The following UBXN2B variants were observed in gnomAD, a reference collection of about 807,000 sequenced individuals.
The protein encoded by UBXN2B is UBX domain-containing protein 2B.
In UBXN2B, 19 loss-of-function variants were observed where a neutral mutation model predicts 37.5. The ratio of observed to expected loss-of-function variants is 0.51; its 90% confidence interval spans 0.35 to 0.74. The LOEUF (loss-of-function observed/expected upper bound fraction) is 0.74. UBXN2B is among the 30% of genes least tolerant of loss of function. The pLI is 0.01. For missense variants in UBXN2B, 370 were observed against 393.2 expected, an observed-to-expected ratio of 0.94 and a Z score of 0.50; for synonymous variants, 145 against 143.8, an observed-to-expected ratio of 1.01 and a Z score of -0.06.
chr8:58,425,902 A>G, intron 2 of UBXN2B: 1 of 1,207,830 alleles, frequency 8.3e-7, no homozygotes, highest in South Asian at 1.2e-5. Flanking sequence ...CCCCTTTGTC[A>G]TCACTGGTGC....
chr8:58,442,602 A>C (rs1320018707), intron 6 of UBXN2B, among the ~76,000 whole-genome samples: 1 of 152,242 alleles, frequency 6.6e-6, no homozygotes, highest in East Asian at 1.9e-4. Flanking sequence ...TGCTGTAAAA[A>C]TGTTACATAG....
At chr8:58,420,093 T>G (rs1276760257) in intron 2 of UBXN2B, among the ~76,000 whole-genome samples, 1 of 152,238 alleles carries the variant, frequency 6.6e-6, no homozygotes, top group Non-Finnish European at 1.5e-5. Context: ...AAAAATTTAG[T>G]GACAAAACTA....
Position 58,447,698 on chromosome 8 carries a change from G to T in UBXN2B, c.*147G>T, listed in dbSNP as rs561775907. On this transcript the variant is annotated 3_prime_UTR_variant, in exon 8 of 8. Coordinates refer to ENST00000399598, the MANE Select transcript of UBXN2B (RefSeq NM_001077619.2). Reference sequence around the variant, plus strand: ...TTATTGTTATTCTGTCTTCCAATCTGAATATAGACAAATTTGGATTAGGAA... The same window carrying T: ...TTATTGTTATTCTGTCTTCCAATCTTAATATAGACAAATTTGGATTAGGAA... 1.4e-6 allele frequency: 1 copy of T among 710,780 alleles called. No homozygotes were observed. Among genetic ancestry groups the T allele is most frequent in the South Asian group, 3.8e-5 (1 of 26,390 alleles). 44.0% of individuals were successfully genotyped at this position (710,780 alleles called of 1,614,324 possible).
intron 5 of UBXN2B, chr8:58,434,837 T>C (rs1808371409): frequency 1.3e-6 from 2 of 1,535,330 alleles, no homozygotes; most frequent in African/African-American, 2.7e-5. Context: ...ACTAAGCCAC[T>C]GTCCTGCTTA....
At chr8:58,427,028 T>C (rs528605896) in intron 2 of UBXN2B, among the ~76,000 whole-genome samples, 5 of 152,366 alleles carry the variant, frequency 3.3e-5, no homozygotes, top group East Asian at 1.9e-4. Context: ...TAGTCATCCC[T>C]TGATAAATGT....
At chr8:58,439,599 C>G (rs1404972988) in intron 5 of UBXN2B, 34 bp from the exon 6 acceptor site, 1 of 1,585,050 alleles carries the variant, frequency 6.3e-7, no homozygotes, top group South Asian at 1.2e-5. Flanking sequence ...TCTTGGAAAA[C>G]TTAATGATAA....
intron 6 of UBXN2B, among the ~76,000 whole-genome samples, chr8:58,441,475 A>G (rs1808550232): frequency 6.6e-6 from 1 of 151,612 alleles, no homozygotes; most frequent in Admixed American, 6.6e-5. Context: ...TACGATTTTT[A>G]ATTAGAATGC....
At chr8:58,425,968 ACC>A in intron 2 of UBXN2B, 2 of 1,440,662 alleles carry the variant, frequency 1.4e-6, no homozygotes, top group East Asian at 4.6e-5. Flanking sequence ...CAAGAAAACT[ACC>A]ATGTTTTCCT....
intron 1 of UBXN2B, among the ~76,000 whole-genome samples, chr8:58,414,123 T>C (rs1327660738): frequency 6.6e-6 from 1 of 152,202 alleles, no homozygotes; most frequent in African/African-American, 2.4e-5. Flanking sequence ...TGAGAAGAAT[T>C]AAAATGTCTG....
intron 6 of UBXN2B, among the ~76,000 whole-genome samples, chr8:58,441,284 A>G (rs900399813): frequency 6.7e-6 from 1 of 148,828 alleles, no homozygotes; most frequent in Non-Finnish European, 1.5e-5. Context: ...ATGAGCCACT[A>G]TGCCTGGCCA....
intron 5 of UBXN2B, among the ~76,000 whole-genome samples, chr8:58,435,462 C>T (rs1399088818): frequency 3.9e-5 from 6 of 152,104 alleles, no homozygotes; most frequent in Admixed American, 2.6e-4. Flanking sequence ...TCCTAGGAGG[C>T]AGTATATGGG....
rs1454924723 is a variant in UBXN2B at position 58,450,979 on chromosome 8, A to G, written c.*3428A>G. 2 of 152,638 alleles carry G rather than the reference A, an allele frequency of 1.3e-5. No homozygotes were observed. The highest frequency in any genetic ancestry group is 1.5e-5 in the Non-Finnish European group (1 of 68,036). The allele number at this position is 152,638 out of a possible 1,614,324, so 9.5% of individuals were successfully genotyped here. A position where few individuals can be genotyped will look rare whatever the true frequency, so the allele number is the denominator to read the frequency against. On this transcript the variant is annotated 3_prime_UTR_variant, in exon 8 of 8. Coordinates refer to ENST00000399598, the MANE Select transcript of UBXN2B (RefSeq NM_001077619.2). ...ACTGAAAACAACTTGGATAATGTGT[A>G]ACAGCCAGCCCCATTTCAAAAAGAT...
intron 6 of UBXN2B, among the ~76,000 whole-genome samples, chr8:58,443,638 C>CAAAAAAAA (rs754470490): frequency 5.0e-5 from 3 of 59,582 alleles, no homozygotes; most frequent in Non-Finnish European, 3.4e-5. Flanking sequence ...ACTAAAAATC[C>CAAAAAAAA]AAAAAAAAAA....
chr8:58,438,612 C>G (rs1234150222), intron 5 of UBXN2B, among the ~76,000 whole-genome samples: 1 of 152,214 alleles, frequency 6.6e-6, no homozygotes. Context: ...AATGTTTACC[C>G]AATGCCTATA....
intron 5 of UBXN2B, among the ~76,000 whole-genome samples, chr8:58,437,122 A>G (rs1299310074): frequency 1.3e-5 from 2 of 152,152 alleles, no homozygotes; most frequent in Non-Finnish European, 2.9e-5. Flanking sequence ...TGACCAAAGT[A>G]TTGATAGAAA....
intron 6 of UBXN2B, among the ~76,000 whole-genome samples, chr8:58,442,526 A>G (rs954327206): frequency 6.6e-6 from 1 of 152,244 alleles, no homozygotes; most frequent in Non-Finnish European, 1.5e-5. Context: ...CTAATTACAC[A>G]CAGAATGTTA....
At chr8:58,429,263 C>T (rs1183360134) in intron 2 of UBXN2B, among the ~76,000 whole-genome samples, 1 of 151,958 alleles carries the variant, frequency 6.6e-6, no homozygotes, top group Non-Finnish European at 1.5e-5. Context: ...CAGCAGACAG[C>T]TGCAGCAGGA....
In UBXN2B at chr8:58,448,157, A is replaced by G. The variant is rs1403548479; in HGVS notation, c.*606A>G. The G allele has an allele frequency of 6.6e-6, 1 of 151,468 alleles. No individual in the cohort carries two copies. The highest frequency in any genetic ancestry group is 1.5e-5 in the Non-Finnish European group (1 of 67,970). 9.4% of individuals were successfully genotyped at this position (151,468 alleles called of 1,614,324 possible). ...CTGTTGTGAACTTAAACAGAAACAC[A>G]TAAAGGTCAGCAATTCTTTTTTTTT... On this transcript the variant is annotated 3_prime_UTR_variant, in exon 8 of 8. Coordinates refer to ENST00000399598, the MANE Select transcript of UBXN2B (RefSeq NM_001077619.2).
At chr8:58,428,232 G>A (rs931623402) in intron 2 of UBXN2B, among the ~76,000 whole-genome samples, 5 of 152,106 alleles carry the variant, frequency 3.3e-5, no homozygotes, top group Non-Finnish European at 5.9e-5. Context: ...TTTAAGGTTT[G>A]GGTAATCATC....
Sources: gnomAD v4.1 joint callset for allele counts (sites outside exome capture counted in the v4.1 genomes callset) on GRCh38, gnomAD v4.1.1 for gene constraint, MANE v1.5 for transcripts, NCBI Gene and HGNC (gene_info 2026-07-23, HGNC 2026-07-21) for gene names.